The following CDH4 variants were observed in gnomAD, a reference collection of about 807,000 sequenced individuals.
The protein encoded by CDH4 is cadherin-4.
In CDH4, 33 loss-of-function variants were observed where a neutral mutation model predicts 86.0. That is an observed-to-expected ratio of 0.38 (90% CI 0.29 to 0.51). CDH4 has a LOEUF of 0.51. Ranked by LOEUF, CDH4 falls within the 20% of genes least tolerant of loss-of-function variation. The pLI, the probability that CDH4 is intolerant of heterozygous loss-of-function variation, is 0.86. For missense variants in CDH4, 1,114 were observed against 1,307.4 expected (o/e 0.85, Z 2.28); for synonymous variants, 555 against 549.4 (o/e 1.01, Z -0.14).
At chr20:61,910,382 T>C (rs370611196) in intron 8 of CDH4, 40 bp from the exon 9 acceptor site, 22 of 1,589,480 alleles carry the variant, frequency 1.4e-5, no homozygotes, top group Non-Finnish European at 1.8e-5. Context: ...ATATTTACAC[T>C]TAACACGGGT....
At chr20:61,565,286 G>GAGGTGGTGGTGGTGGTGCTCT (rs1388193336) in intron 2 of CDH4, among the ~76,000 whole-genome samples, 1 of 117,680 alleles carries the variant, frequency 8.5e-6, no homozygotes, top group Non-Finnish European at 1.8e-5. Context: ...TGGTGATGGG[G>GAGGTGGTGGTGGTGGTGCTCT]TGATGGTGGT....
chr20:61,844,606 A>T, intron 4 of CDH4, 62 bp from the exon 5 acceptor site: 3 of 1,502,906 alleles, frequency 2.0e-6, no homozygotes, highest in South Asian at 2.6e-5. Flanking sequence ...AATGTCAGAG[A>T]TCGGCCCCGG....
intron 2 of CDH4, among the ~76,000 whole-genome samples, chr20:61,575,333 C>T (rs1180540757): frequency 6.6e-6 from 1 of 152,184 alleles, no homozygotes; most frequent in African/African-American, 2.4e-5. Context: ...ATTGTTAACA[C>T]TAATCCCAGG....
rs540754596 is a variant in CDH4 at position 61,573,000 on chromosome 20, G to A, written c.170-170563G>A. On this transcript the variant is annotated intron_variant, in intron 2 of 15. Coordinates refer to ENST00000614565, the MANE Select transcript of CDH4 (RefSeq NM_001794.5). ...TGGATGGACGGATAGACGGACGGAC[G>A]GATGGATGGATTGATGGATGGATGG... Among the ~76,000 whole-genome samples, 13 of 147,900 alleles carry A rather than the reference G, an allele frequency of 8.8e-5. No homozygotes were observed. In the South Asian group the frequency reaches 1.5e-3, roughly 17 times the overall value.
chr20:61,380,247 TA>T (rs556042619), intron 2 of CDH4, among the ~76,000 whole-genome samples: 46 of 152,274 alleles, frequency 3.0e-4, no homozygotes, highest in African/African-American at 8.7e-4. Flanking sequence ...ACTGAACTGT[TA>T]AAAAAATCCA....
intron 2 of CDH4, among the ~76,000 whole-genome samples, chr20:61,466,239 G>T (rs2085470913): frequency 6.6e-6 from 1 of 152,170 alleles, no homozygotes; most frequent in African/African-American, 2.4e-5. Flanking sequence ...CAGACTGTTT[G>T]ATTCAAATGT....
chr20:61,528,462 A>AGGAGGGGAAGAGAGGGGAGGGGGG (rs2085928208), intron 2 of CDH4, among the ~76,000 whole-genome samples: 10 of 16,212 alleles, frequency 6.2e-4, no homozygotes, highest in Admixed American at 8.3e-4. Context: ...GGAGGGGGAG[A>AGGAGGGGAAGAGAGGGGAGGGGGG]GGGAGGGGGA....
At chr20:61,861,739 C>T (rs771761217) in intron 6 of CDH4, among the ~76,000 whole-genome samples, 1 of 152,198 alleles carries the variant, frequency 6.6e-6, no homozygotes, top group Non-Finnish European at 1.5e-5. Flanking sequence ...CGCCCCCAAG[C>T]GTCACGTACA....
chr20:61,777,168 T>G (rs1568809443), intron 4 of CDH4, among the ~76,000 whole-genome samples: 1 of 152,214 alleles, frequency 6.6e-6, no homozygotes, highest in East Asian at 1.9e-4. Context: ...AAGAGGAGGC[T>G]TCCTGAAGAC....
intron 2 of CDH4, among the ~76,000 whole-genome samples, chr20:61,462,304 G>A (rs1038466797): frequency 6.6e-6 from 1 of 152,186 alleles, no homozygotes; most frequent in African/African-American, 2.4e-5. Context: ...CAAACCCAAT[G>A]GGACTGGCCC....
chr20:61,386,181 T>G (rs2084949816), intron 2 of CDH4, among the ~76,000 whole-genome samples: 1 of 152,194 alleles, frequency 6.6e-6, no homozygotes, highest in Non-Finnish European at 1.5e-5. Flanking sequence ...GTACCACTGC[T>G]GTTCGTTGTT....
At chr20:61,412,028 G>C (rs918704328) in intron 2 of CDH4, among the ~76,000 whole-genome samples, 1 of 152,192 alleles carries the variant, frequency 6.6e-6, no homozygotes, top group Non-Finnish European at 1.5e-5. Flanking sequence ...GATCAAGGCC[G>C]ACTCTGGATG....
At chr20:61,451,060 G>A (rs183859813) in intron 2 of CDH4, among the ~76,000 whole-genome samples, 8 of 152,154 alleles carry the variant, frequency 5.3e-5, no homozygotes, top group East Asian at 2.0e-4. Context: ...TCAAGAGAGC[G>A]GAGGGTGTTT....
In CDH4 at chr20:61,692,257, GTGTC is replaced by G. The variant is rs1398727648; in HGVS notation, c.170-51302_170-51299del. 1.2e-3 allele frequency among the ~76,000 whole-genome samples: 178 copies of G among 151,818 alleles called. 1 individual carries two copies. Among genetic ancestry groups the G allele is most frequent in the African/African-American group, 3.5e-3 (146 of 41,388 alleles). The stretch of plus-strand genomic sequence containing the variant: ...TGTGTATGTATGTGTGTGTATGTGT[GTGTC>G]TGTATGTGTGTCTTTGTGTGTGTGT... On this transcript the variant is annotated intron_variant, in intron 2 of 15. Transcript: ENST00000614565.
intron 2 of CDH4, among the ~76,000 whole-genome samples, chr20:61,523,870 TAAAAA>T (rs2085891246): frequency 1.3e-5 from 2 of 152,108 alleles, no homozygotes; most frequent in Non-Finnish European, 2.9e-5. Context: ...AAAGTCAAAT[TAAAAA>T]TGGCTAAACA....
rs11908525 is a variant in CDH4, at chr20:61,417,059, C to T, written c.169+162122C>T. Among the ~76,000 whole-genome samples the T allele has an allele frequency of 2.4e-3, 358 of 152,206 alleles. 4 individuals carry two copies. Among genetic ancestry groups the T allele is most frequent in the African/African-American group, 8.4e-3 (349 of 41,548 alleles). ...CCAATTCAGAACACAGCAAGACTGG[C>T]GCAGCCTGGCATTACTGCTCAATAG... On this transcript the variant is annotated intron_variant, in intron 2 of 15. Transcript: ENST00000614565. This position sits in a 1 kb window ranked among gnomAD's most constrained non-coding sequence, Gnocchi z 4.0.
chr20:61,788,853 G>A (rs2146011503), intron 4 of CDH4, among the ~76,000 whole-genome samples: 1 of 152,346 alleles, frequency 6.6e-6, no homozygotes, highest in Admixed American at 6.5e-5. Flanking sequence ...ATGCGTGGGA[G>A]GGGAATTGCA....
Position 61,731,593 on chromosome 20 carries a change from C to A in CDH4, c.170-11970C>A, listed in dbSNP as rs578169432. ...GCTGCTCAGCAGATTCCTGAGGCAG[C>A]TGCATGTTTGTAGAATCGGAAAAGC... is the stretch of plus-strand genomic sequence containing the variant. On this transcript the variant is annotated intron_variant, in intron 2 of 15. Transcript: ENST00000614565. Among the ~76,000 whole-genome samples the A allele has an allele frequency of 3.2e-4, 49 of 152,320 alleles. 2 individuals are homozygous for A. In the South Asian group the frequency reaches 9.5e-3, roughly 30 times the overall value.
At chr20:61,301,604 C>A (rs1023229123) in intron 2 of CDH4, among the ~76,000 whole-genome samples, 2 of 152,178 alleles carry the variant, frequency 1.3e-5, no homozygotes, top group Non-Finnish European at 2.9e-5. Flanking sequence ...TTCATAAAGG[C>A]CCCGACTTTT....
Sources: gnomAD v4.1 joint callset for allele counts (sites outside exome capture counted in the v4.1 genomes callset) on GRCh38, gnomAD v4.1.1 for gene constraint, Gnocchi (gnomAD v3.1) non-coding constraint, MANE v1.5 for transcripts, NCBI Gene and HGNC (gene_info 2026-07-23, HGNC 2026-07-21) for gene names.